Variants in SRD5A2 observed in about 807,000 individuals in gnomAD.
SRD5A2 encodes steroid 5 alpha-reductase 2.
SRD5A2 carries 30 observed loss-of-function variants against 27.4 expected under a neutral mutation model. The ratio of observed to expected loss-of-function variants is 1.10; its 90% confidence interval spans 0.82 to 1.49. The LOEUF (loss-of-function observed/expected upper bound fraction) is 1.49. Among genes scored for constraint, SRD5A2 ranks in the 40% most tolerant of loss-of-function variants. The probability of loss-of-function intolerance (pLI) is 0.00; values close to 1 mark genes in which losing one functional copy is unlikely to be tolerated. For synonymous variants in SRD5A2, 141 were observed against 133.6 expected, an observed-to-expected ratio of 1.06 and a Z score of -0.38; for missense variants, 348 against 323.4, an observed-to-expected ratio of 1.08 and a Z score of -0.58.
At chr2:31,560,188 C>T (rs1220628196) in intron 1 of SRD5A2, among the ~76,000 whole-genome samples, 2 of 151,902 alleles carry the variant, frequency 1.3e-5, no homozygotes, top group African/African-American at 4.8e-5. Flanking sequence ...GAAGTCCTGG[C>T]CCTATATCCT....
the SRD5A2 span, among the ~76,000 whole-genome samples, chr2:31,641,123 C>T: frequency 6.6e-6 from 1 of 152,092 alleles, no homozygotes; most frequent in Non-Finnish European, 1.5e-5. Flanking sequence ...GTAAAAATCT[C>T]AGTGTTGTAT....
chr2:31,586,734 C>T, the SRD5A2 span, among the ~76,000 whole-genome samples: 8 of 152,256 alleles, frequency 5.3e-5, no homozygotes, highest in Admixed American at 1.3e-4. Flanking sequence ...CAAAATACTC[C>T]GGTCTTTTCA....
the SRD5A2 span, among the ~76,000 whole-genome samples, chr2:31,597,350 A>G: frequency 6.6e-6 from 1 of 152,102 alleles, no homozygotes; most frequent in African/African-American, 2.4e-5. Context: ...TAATTCAAAG[A>G]TCAGAAACCA....
At chr2:31,653,175 T>G in the SRD5A2 span, among the ~76,000 whole-genome samples, 1 of 152,092 alleles carries the variant, frequency 6.6e-6, no homozygotes, top group African/African-American at 2.4e-5. Flanking sequence ...CAGAAGTCCG[T>G]CCTAGTTCCA....
At chr2:31,548,319 G>A (rs770988104) in intron 1 of SRD5A2, among the ~76,000 whole-genome samples, 1 of 151,960 alleles carries the variant, frequency 6.6e-6, no homozygotes, top group Non-Finnish European at 1.5e-5. Context: ...CCACAGAATG[G>A]GAGAAAGTAT....
At chr2:31,577,893 A>C (rs1666992573) in intron 1 of SRD5A2, among the ~76,000 whole-genome samples, 1 of 152,234 alleles carries the variant, frequency 6.6e-6, no homozygotes, top group Admixed American at 6.5e-5. Context: ...TTTAGATGCA[A>C]AAAATGTACA....
chr2:31,551,564 CA>C lies in SRD5A2; in HGVS notation c.282-17799del, dbSNP rs545163312. 6.5e-3 allele frequency among the ~76,000 whole-genome samples: 988 copies of C among 152,228 alleles called. 14 individuals carry two copies. The highest frequency in any genetic ancestry group is 0.022 in the African/African-American group (930 of 41,546). The stretch of plus-strand genomic sequence containing the variant: ...TTTTATAATAAAGTGTTGAATATGT[CA>C]TGCAATTTATTTAATAGTACTGTGC... On this transcript the variant is annotated intron_variant, in intron 1 of 4. Transcript: ENST00000622030.
the SRD5A2 span, among the ~76,000 whole-genome samples, chr2:31,641,032 C>T: frequency 2.0e-5 from 3 of 152,078 alleles, no homozygotes; most frequent in Non-Finnish European, 2.9e-5. Flanking sequence ...TTATTATTCT[C>T]CTCCCATCTA....
At chr2:31,591,657 A>G in the SRD5A2 span, among the ~76,000 whole-genome samples, 3 of 151,784 alleles carry the variant, frequency 2.0e-5, no homozygotes, top group East Asian at 5.8e-4. Context: ...TTGCATCACT[A>G]TTCACAACAG....
intron 2 of SRD5A2, 107 bp from the exon 3 acceptor site, chr2:31,531,579 A>AAATGAAGGGAAGGGCATT: frequency 1.9e-5 from 14 of 743,392 alleles, no homozygotes; most frequent in Admixed American, 2.3e-5. Flanking sequence ...TAATTTCTAA[A>AAATGAAGGGAAGGGCATT]TCTAAGAATG....
intron 1 of SRD5A2, among the ~76,000 whole-genome samples, chr2:31,548,686 A>AT (rs1666313842): frequency 6.6e-6 from 1 of 152,220 alleles, no homozygotes; most frequent in South Asian, 2.1e-4. Context: ...GTGGTTACTC[A>AT]AAAATTAAAA....
At chr2:31,613,031 G>C in the SRD5A2 span, among the ~76,000 whole-genome samples, 1 of 152,082 alleles carries the variant, frequency 6.6e-6, no homozygotes, top group African/African-American at 2.4e-5. Flanking sequence ...ATGAATAAGA[G>C]ACTGAAACAT....
the SRD5A2 span, among the ~76,000 whole-genome samples, chr2:31,622,965 C>T: frequency 6.6e-6 from 1 of 152,098 alleles, no homozygotes; most frequent in Non-Finnish European, 1.5e-5. Flanking sequence ...TTTTCACCTG[C>T]TTTTTCACCT....
At chr2:31,550,235 T>C (rs946520181) in intron 1 of SRD5A2, among the ~76,000 whole-genome samples, 1 of 152,078 alleles carries the variant, frequency 6.6e-6, no homozygotes, top group Non-Finnish European at 1.5e-5. Context: ...GTAATTTATT[T>C]CTTAATTTTC....
At chr2:31,599,862 AC>A in the SRD5A2 span, among the ~76,000 whole-genome samples, 11 of 151,964 alleles carry the variant, frequency 7.2e-5, no homozygotes, top group African/African-American at 2.2e-4. Flanking sequence ...GTTCTGAGGT[AC>A]ATGAGCAGGT....
chr2:31,662,291 A>G, the SRD5A2 span, among the ~76,000 whole-genome samples: 2 of 151,924 alleles, frequency 1.3e-5, no homozygotes, highest in Admixed American at 6.6e-5. Context: ...ACTTGTGAAG[A>G]CTTGGTTTGC....
chr2:31,596,982 T>A, the SRD5A2 span, among the ~76,000 whole-genome samples: 1 of 152,056 alleles, frequency 6.6e-6, no homozygotes, highest in Non-Finnish European at 1.5e-5. Context: ...TTTCACAGAA[T>A]TTTTAAAAAA....
chr2:31,569,347 G>A (rs1666803207), intron 1 of SRD5A2, among the ~76,000 whole-genome samples: 1 of 152,222 alleles, frequency 6.6e-6, no homozygotes, highest in African/African-American at 2.4e-5. Context: ...CAAAGTGGTT[G>A]TCATTTAAAT....
chr2:31,580,537 C>T (rs975810669), intron 1 of SRD5A2, 83 bp downstream of exon 1: 6 of 1,404,226 alleles, frequency 4.3e-6, no homozygotes, highest in East Asian at 2.6e-5. Context: ...TGGCGTTCCT[C>T]GGTGCGCGCT....
Sources: gnomAD v4.1 joint callset for allele counts (sites outside exome capture counted in the v4.1 genomes callset) on GRCh38, gnomAD v4.1.1 for gene constraint, MANE v1.5 for transcripts, NCBI Gene and HGNC (gene_info 2026-07-23, HGNC 2026-07-21) for gene names.